The following BSPRY variants were observed in gnomAD, a reference collection of about 807,000 sequenced individuals.
BSPRY encodes B-box and SPRY domain containing.
BSPRY carries 33 observed loss-of-function variants against 38.0 expected under a neutral mutation model. The observed-to-expected ratio is 0.87, with a 90% CI of 0.66 to 1.16. The LOEUF is 1.16. Among genes scored for constraint, BSPRY ranks in the 50% most tolerant of loss-of-function variants. The pLI, the probability that BSPRY is intolerant of heterozygous loss-of-function variation, is 0.00. For synonymous variants in BSPRY, 224 were observed against 228.5 expected, an observed-to-expected ratio of 0.98 and a Z score of 0.18; for missense variants, 523 against 533.2, an observed-to-expected ratio of 0.98 and a Z score of 0.19.
intron 1 of BSPRY, among the ~76,000 whole-genome samples, chr9:113,351,075 G>C (rs971646217): frequency 6.6e-6 from 1 of 152,166 alleles, no homozygotes; most frequent in Non-Finnish European, 1.5e-5. Flanking sequence ...GGCGGTTGGA[G>C]GGAGGAAGTG....
rs1834343296 is a variant in BSPRY at position 113,371,030 on chromosome 9, AGCTCCAGC to A, written c.*889_*896del. On this transcript the variant is annotated 3_prime_UTR_variant, in exon 6 of 6. Transcript: ENST00000374183. Reference sequence around the variant, plus strand: ...ACCCGACTGTAGCCCCTGCTGGCTGAGCTCCAGCCTGTGCCCACTGATAATAGCAGGGA... The same window carrying A: ...ACCCGACTGTAGCCCCTGCTGGCTGACTGTGCCCACTGATAATAGCAGGGA... 1.3e-5 allele frequency: 2 copies of A among 152,088 alleles called. No individual in the cohort carries two copies. Among genetic ancestry groups the A allele is most frequent in the Admixed American group, 6.6e-5 (1 of 15,266 alleles). The allele number at this position is 152,088 out of a possible 1,614,324, so 9.4% of individuals were successfully genotyped here.
intron 4 of BSPRY, among the ~76,000 whole-genome samples, chr9:113,365,815 T>TC (rs1834240620): frequency 6.8e-6 from 1 of 148,008 alleles, no homozygotes; most frequent in Non-Finnish European, 1.5e-5. Flanking sequence ...TTTTTTTTTT[T>TC]TTTTTTTGAG....
chr9:113,363,726 A>C (rs1454035176), intron 4 of BSPRY, among the ~76,000 whole-genome samples: 2 of 151,758 alleles, frequency 1.3e-5, no homozygotes, highest in African/African-American at 4.8e-5. Context: ...TACTAAAAAT[A>C]CAAAAATTAG....
At chr9:113,357,936 ATATATATC>A (rs1834089166) in intron 2 of BSPRY, among the ~76,000 whole-genome samples, 2 of 45,498 alleles carry the variant, frequency 4.4e-5, no homozygotes, top group Admixed American at 2.5e-4. Context: ...ATATATATAT[ATATATATC>A]TCTATTAAGC....
At chr9:113,364,670 T>C (rs1359884079) in intron 4 of BSPRY, among the ~76,000 whole-genome samples, 1 of 152,114 alleles carries the variant, frequency 6.6e-6, no homozygotes, top group Non-Finnish European at 1.5e-5. Flanking sequence ...ATCTAGTATA[T>C]ATGTTAGAAA....
intron 4 of BSPRY, among the ~76,000 whole-genome samples, chr9:113,368,047 T>C (rs1264311039): frequency 6.6e-6 from 1 of 152,050 alleles, no homozygotes; most frequent in African/African-American, 2.4e-5. Flanking sequence ...CCCATGCTGG[T>C]CTCAAACTCC....
intron 1 of BSPRY, among the ~76,000 whole-genome samples, chr9:113,350,984 A>G (rs1008444583): frequency 2.6e-5 from 4 of 152,196 alleles, no homozygotes; most frequent in Admixed American, 2.0e-4. Context: ...ACAAGGCAGT[A>G]ACTCCTCCAA....
At chr9:113,367,654 C>T (rs564292412) in intron 4 of BSPRY, among the ~76,000 whole-genome samples, 1 of 152,306 alleles carries the variant, frequency 6.6e-6, no homozygotes, top group South Asian at 2.1e-4. Flanking sequence ...TACTGAGGGA[C>T]TCTGGCAAGT....
At chr9:113,358,456 C>T (rs914133549) in intron 2 of BSPRY, among the ~76,000 whole-genome samples, 1 of 151,432 alleles carries the variant, frequency 6.6e-6, no homozygotes, top group Non-Finnish European at 1.5e-5. Flanking sequence ...TTAGTAGAGG[C>T]GGGGTTTCAC....
At chr9:113,358,017 C>CAG (rs1383711638) in intron 2 of BSPRY, among the ~76,000 whole-genome samples, 14 of 146,580 alleles carry the variant, frequency 9.6e-5, no homozygotes, top group African/African-American at 3.5e-4. Flanking sequence ...GAGGCCAAGG[C>CAG]CAGGAGGATC....
Position 113,352,674 on chromosome 9 carries a change from C to T in BSPRY, c.202-1566C>T, listed in dbSNP as rs923486039. ...TTGGCTAAGCTAAGAAGCCTGATGT[C>T]ATTGTGAGTGTACTGAAAGCCATTG... is the stretch of plus-strand genomic sequence containing the variant. On this transcript the variant is annotated intron_variant, in intron 1 of 5. Coordinates refer to ENST00000374183, the MANE Select transcript of BSPRY (RefSeq NM_017688.3). Among the ~76,000 whole-genome samples the T allele has an allele frequency of 1.2e-4, 19 of 152,178 alleles. 1 individual carries two copies. The highest frequency in any genetic ancestry group is 1.0e-3 in the Admixed American group (16 of 15,270).
intron 4 of BSPRY, among the ~76,000 whole-genome samples, chr9:113,365,569 C>T (rs548118619): frequency 6.6e-6 from 1 of 152,254 alleles, no homozygotes; most frequent in Non-Finnish European, 1.5e-5. Context: ...TGTGCTTTTC[C>T]TGCCCCTGAA....
chr9:113,353,694 C>T (rs1034530543), intron 1 of BSPRY, among the ~76,000 whole-genome samples: 2 of 151,992 alleles, frequency 1.3e-5, no homozygotes, highest in Non-Finnish European at 2.9e-5. Context: ...CCGAGTGAGA[C>T]TCTGCCTCAA....
chr9:113,367,976 G>C (rs1341833122), intron 4 of BSPRY, among the ~76,000 whole-genome samples: 1 of 151,974 alleles, frequency 6.6e-6, no homozygotes, highest in Non-Finnish European at 1.5e-5. Context: ...GACTACAGGT[G>C]CATGCCACCA....
In BSPRY at chr9:113,354,268, T is replaced by G. The variant is rs1438622883; in HGVS notation, c.230T>G (p.Leu77Arg). ...RNKIVDQCER[L>R]QLQSAAITKY... ...AAGATTGTGGACCAGTGTGAGAGGC[T>G]GCAGTTACAGAGTGCTGCCATCACC... Residue 77 changes from leucine to arginine, a missense_variant, in exon 2 of 6, where the codon CTG (leucine) becomes CGG (arginine). Coordinates refer to ENST00000374183, the MANE Select transcript of BSPRY (RefSeq NM_017688.3). 6 of 1,614,068 alleles carry G rather than the reference T, an allele frequency of 3.7e-6. No individual in the cohort carries two copies. The highest frequency in any genetic ancestry group is 1.3e-5 in the African/African-American group (1 of 74,930).
rs192279079 is a variant in BSPRY, at chr9:113,368,391, G to T, written c.682+8G>T. On this transcript the variant is annotated splice_region_variant and intron_variant, in intron 5 of 5. Transcript: ENST00000374183. ...TTCTTGGGTCTCTCTCAGGTTAGGA[G>T]CAGTAGAGCCCAGGACCATTAGGAC... The T allele has an allele frequency of 3.7e-6, 6 of 1,613,898 alleles. No individual in the cohort carries two copies. Among genetic ancestry groups the T allele is most frequent in the Non-Finnish European group, 5.1e-6 (6 of 1,179,978 alleles).
At chr9:113,368,465 G>T in intron 5 of BSPRY, 82 bp downstream of exon 5, 1 of 1,525,852 alleles carries the variant, frequency 6.6e-7, no homozygotes. Context: ...GTTCACAATG[G>T]GGACCCGTGC....
chr9:113,368,190 A>G (rs1264213905), intron 4 of BSPRY, 69 bp from the exon 5 acceptor site: 42 of 1,574,620 alleles, frequency 2.7e-5, no homozygotes, highest in Non-Finnish European at 1.1e-5. Flanking sequence ...TCTTCTCTTC[A>G]CCCCATATTG....
At chr9:113,354,160 T>G in intron 1 of BSPRY, 80 bp from the exon 2 acceptor site, 1 of 1,194,792 alleles carries the variant, frequency 8.4e-7, no homozygotes, top group Non-Finnish European at 1.2e-6. Flanking sequence ...TGACATGTGG[T>G]AACAGGAGAA....
Sources: gnomAD v4.1 joint callset for allele counts (sites outside exome capture counted in the v4.1 genomes callset) on GRCh38, gnomAD v4.1.1 for gene constraint, MANE v1.5 for transcripts, NCBI Gene and HGNC (gene_info 2026-07-23, HGNC 2026-07-21) for gene names.